Variants in PLSCR4 observed in about 807,000 individuals in gnomAD.
The protein encoded by PLSCR4 is phospholipid scramblase 4.
A neutral mutation model predicts 36.3 loss-of-function variants in PLSCR4; 25 were observed. The observed-to-expected ratio is 0.69, with a 90% confidence interval of 0.50 to 0.96. The LOEUF is 0.96. Among genes scored for constraint, PLSCR4 ranks in the 40% least tolerant of loss-of-function variants. The probability of loss-of-function intolerance (pLI) is 0.00; values close to 1 mark genes in which losing one functional copy is unlikely to be tolerated. For missense variants in PLSCR4, 408 were observed against 414.7 expected, an observed-to-expected ratio of 0.98 and a Z score of 0.14; for synonymous variants, 122 against 132.9, an observed-to-expected ratio of 0.92 and a Z score of 0.56.
intron 3 of PLSCR4, among the ~76,000 whole-genome samples, chr3:146,215,937 G>A (rs116785878): frequency 2.7e-4 from 41 of 152,270 alleles, no homozygotes; most frequent in African/African-American, 9.4e-4. Flanking sequence ...CCTGAAAAAT[G>A]CAGACAGTCC....
chr3:146,206,651 C>T lies in PLSCR4; in HGVS notation c.229G>A (p.Gly77Ser), dbSNP rs2034345495. ...GGCTGATACCGGACAGGATGGATAC[C>T]ACCAACTGGCTGGTACAAAGGGAAG... ...STFPLYQPVG[G>S]IHPVRYQPGK... Residue 77 changes from glycine (G) to serine (S), a missense_variant, in exon 4 of 9, where the codon GGT becomes AGT. Gly to Ser is a moderately conservative substitution (Grantham distance 56). Coordinates refer to ENST00000354952, the MANE Select transcript of PLSCR4 (RefSeq NM_020353.3). 1.1e-5 allele frequency: 17 copies of T among 1,613,402 alleles called. No homozygotes were observed. Among genetic ancestry groups the T allele is most frequent in the Non-Finnish European group, 1.4e-5 (16 of 1,179,664 alleles).
intron 1 of PLSCR4, chr3:146,222,314 T>G (rs904681536): frequency 3.5e-6 from 1 of 281,980 alleles, no homozygotes; most frequent in African/African-American, 2.2e-5. Flanking sequence ...CTCTGCCACC[T>G]ACTGTGCTGC....
Position 146,192,837 on chromosome 3 carries a change from A to C in PLSCR4, c.*1574T>G, listed in dbSNP as rs1201297356. 4 of 152,076 alleles carry C rather than the reference A, an allele frequency of 2.6e-5. No individual in the cohort carries two copies. Among genetic ancestry groups the C allele is most frequent in the Non-Finnish European group, 5.9e-5 (4 of 67,990 alleles). The allele number at this position is 152,076 out of a possible 1,614,324, so 9.4% of individuals were successfully genotyped here. A position where few individuals can be genotyped will look rare whatever the true frequency, so the allele number is the denominator to read the frequency against. On this transcript the variant is annotated 3_prime_UTR_variant, in exon 9 of 9. Transcript: ENST00000354952. ...ACTTTTTTTAAAAAAAAAAGCTAGT[A>C]GCAGCATGTAAAAATGAGCATTACG... is the stretch of plus-strand genomic sequence containing the variant.
intron 1 of PLSCR4, among the ~76,000 whole-genome samples, chr3:146,248,111 C>G (rs2036412738): frequency 6.6e-6 from 1 of 151,994 alleles, no homozygotes; most frequent in Non-Finnish European, 1.5e-5. Context: ...TGTGAAATCC[C>G]TCAAGCAAAA....
chr3:146,214,512 C>T (rs966792435), intron 3 of PLSCR4, among the ~76,000 whole-genome samples: 21 of 151,446 alleles, frequency 1.4e-4, no homozygotes, highest in African/African-American at 4.1e-4. Flanking sequence ...TACTGTGTTT[C>T]GTTTTCATTC....
At chr3:146,198,074 C>G (rs900827121) in intron 6 of PLSCR4, among the ~76,000 whole-genome samples, 1 of 152,048 alleles carries the variant, frequency 6.6e-6, no homozygotes, top group African/African-American at 2.4e-5. Context: ...AAAGACCAAT[C>G]CTGAAAAGTT....
At position 146,206,511 on chromosome 3, in the gene PLSCR4, A is replaced by G; in HGVS notation, c.354+15T>C. The stretch of plus-strand genomic sequence containing the variant: ...CACATTTCATAAGAAAATAATTTGT[A>G]TTTTCATGGAGTACCTGAACTAAGT... On this transcript the variant is annotated intron_variant, in intron 4 of 8. Coordinates refer to ENST00000354952, the MANE Select transcript of PLSCR4 (RefSeq NM_020353.3). 1 of 1,558,060 alleles carries G rather than the reference A, an allele frequency of 6.4e-7. No homozygotes were observed. Among genetic ancestry groups the G allele is most frequent in the Non-Finnish European group, 8.9e-7 (1 of 1,129,544 alleles).
chr3:146,216,752 TC>T (rs1189668421), intron 3 of PLSCR4, among the ~76,000 whole-genome samples: 2 of 152,098 alleles, frequency 1.3e-5, no homozygotes, highest in Non-Finnish European at 2.9e-5. Flanking sequence ...CAGGCGTGAT[TC>T]TATGGAGGGC....
intron 1 of PLSCR4, among the ~76,000 whole-genome samples, chr3:146,237,409 C>T (rs2035961808): frequency 6.6e-6 from 1 of 152,086 alleles, no homozygotes; most frequent in Non-Finnish European, 1.5e-5. Context: ...AACACTGTAA[C>T]TGACAATAGC....
chr3:146,235,787 T>C (rs1364979861), intron 1 of PLSCR4, among the ~76,000 whole-genome samples: 1 of 152,104 alleles, frequency 6.6e-6, no homozygotes, highest in Non-Finnish European at 1.5e-5. Context: ...GATGATGCAG[T>C]CTCAGAGGGA....
intron 6 of PLSCR4, among the ~76,000 whole-genome samples, chr3:146,197,619 C>T (rs549533412): frequency 2.0e-5 from 3 of 152,030 alleles, no homozygotes; most frequent in Non-Finnish European, 4.4e-5. Context: ...TTGTCCACTA[C>T]CCTGTTTTTA....
intron 1 of PLSCR4, chr3:146,250,489 G>A (rs1279920048): frequency 1.3e-5 from 2 of 152,128 alleles, no homozygotes; most frequent in African/African-American, 4.8e-5. Flanking sequence ...ATAAGAGAGA[G>A]GGATTCTCTC....
chr3:146,227,440 A>G (rs927156990), intron 1 of PLSCR4, among the ~76,000 whole-genome samples: 5 of 152,174 alleles, frequency 3.3e-5, no homozygotes, highest in East Asian at 3.9e-4. Context: ...GTATCTTATT[A>G]TATGCTATTA....
In PLSCR4 at chr3:146,199,818, G is replaced by T. The variant is rs2108216003; in HGVS notation, c.619C>A (p.Gln207Lys). ...TCAGACTTCCATTCTCTGACCTCTT[G>T]TCTGGCAGAGGGGCAACAGAAGCAA... is the stretch of plus-strand genomic sequence containing the variant. ...CCCFCCPSARQELEVQCPPGV... is the reference protein window; with the variant it reads ...CCCFCCPSARKELEVQCPPGV... The change falls in exon 6 of 9, where the codon CAA (glutamine) becomes AAA (lysine). Residue 207 changes from glutamine to lysine, a missense_variant. By Grantham distance (53) the Gln-to-Lys change is moderately conservative. Transcript: ENST00000354952. 2 of 1,611,428 alleles carry T rather than the reference G, an allele frequency of 1.2e-6. No homozygotes were observed. Among genetic ancestry groups the T allele is most frequent in the Non-Finnish European group, 1.7e-6 (2 of 1,178,038 alleles).
chr3:146,221,437 G>A (rs2108292309), intron 2 of PLSCR4, among the ~76,000 whole-genome samples: 1 of 152,276 alleles, frequency 6.6e-6, no homozygotes, highest in South Asian at 2.1e-4. Flanking sequence ...TACATCTCCA[G>A]TGACTCACAT....
intron 1 of PLSCR4, among the ~76,000 whole-genome samples, chr3:146,248,964 TTA>T (rs2036448736): frequency 6.6e-6 from 1 of 152,186 alleles, no homozygotes; most frequent in Non-Finnish European, 1.5e-5. Flanking sequence ...TTTTGGATAA[TTA>T]GTGTGGCTAA....
intron 1 of PLSCR4, among the ~76,000 whole-genome samples, chr3:146,225,418 G>A (rs112834035): frequency 1.5e-4 from 10 of 66,138 alleles, no homozygotes; most frequent in South Asian, 8.0e-4. Flanking sequence ...TGCCAGTCCC[G>A]TGCCATGCGC....
chr3:146,193,500 T>A lies in PLSCR4; in HGVS notation c.*911A>T, dbSNP rs539621507. Reference sequence around the variant, plus strand: ...GATCTCTTCTGGGTATCACATCAAATGAGATACAAAGGTGTACTAGGCAAT... The same window carrying A: ...GATCTCTTCTGGGTATCACATCAAAAGAGATACAAAGGTGTACTAGGCAAT... On this transcript the variant is annotated 3_prime_UTR_variant, in exon 9 of 9. Transcript: ENST00000354952. The A allele has an allele frequency of 1.3e-5, 2 of 152,188 alleles. No homozygotes were observed. Among genetic ancestry groups the A allele is most frequent in the South Asian group, 2.1e-4 (1 of 4,824 alleles). 9.4% of individuals were successfully genotyped at this position (152,188 alleles called of 1,614,324 possible).
At chr3:146,213,370 C>T (rs2034724529) in intron 3 of PLSCR4, among the ~76,000 whole-genome samples, 2 of 131,282 alleles carry the variant, frequency 1.5e-5, no homozygotes, top group Admixed American at 8.7e-5. Flanking sequence ...TCTCAACTGT[C>T]ACCCAGGCTG....
Sources: allele counts gnomAD v4.1 joint callset (sites outside exome capture counted in the v4.1 genomes callset), GRCh38; gene constraint gnomAD v4.1.1; transcripts MANE v1.5; gene names NCBI Gene and HGNC (gene_info 2026-07-23, HGNC 2026-07-21).